MED13: variants seen among roughly 807,000 people sequenced by gnomAD.
MED13 encodes the protein mediator of RNA polymerase II transcription subunit 13.
Under a neutral mutation model 225.2 loss-of-function variants are expected in MED13, and 23 were observed. The observed-to-expected ratio is 0.10, with a 90% CI of 0.07 to 0.14. The LOEUF (loss-of-function observed/expected upper bound fraction) is 0.14, where lower values mean the gene tolerates loss of function less well. MED13 is among the 10% of genes least tolerant of loss of function. The pLI is 1.00. For synonymous variants in MED13, 942 were observed against 889.2 expected, an observed-to-expected ratio of 1.06 and a Z score of -1.06; for missense variants, 2,197 against 2,594.5, an observed-to-expected ratio of 0.85 and a Z score of 3.33.
chr17:62,054,337 GA>G (rs899049464), intron 2 of MED13, among the ~76,000 whole-genome samples: 69 of 151,704 alleles, frequency 4.5e-4, no homozygotes, highest in African/African-American at 1.6e-3. Context: ...TAAGCTTAGG[GA>G]AAAAAAAGTA....
At chr17:61,965,868 T>G (rs1225398855) in intron 19 of MED13, among the ~76,000 whole-genome samples, 1 of 152,212 alleles carries the variant, frequency 6.6e-6, no homozygotes, top group Non-Finnish European at 1.5e-5. Flanking sequence ...TATAATGTTA[T>G]GGGGTTCAAA....
rs2079851701 is a variant in MED13, at chr17:61,946,363, C to T, written c.*105G>A. 1 of 1,304,840 alleles carries T rather than the reference C, an allele frequency of 7.7e-7. No individual in the cohort carries two copies. Among genetic ancestry groups the T allele is most frequent in the Middle Eastern group, 2.1e-4 (1 of 4,754 alleles). The allele number at this position is 1,304,840 out of a possible 1,614,324, so 80.8% of individuals were successfully genotyped here. On this transcript the variant is annotated 3_prime_UTR_variant, in exon 30 of 30. Transcript: ENST00000397786. ...ATTTGTTGAAGTAATAAGAATTAGA[C>T]CCCATCACAAATGACCTTCACTGAG...
intron 3 of MED13, among the ~76,000 whole-genome samples, chr17:62,036,506 C>T (rs2080805160): frequency 6.6e-6 from 1 of 152,140 alleles, no homozygotes; most frequent in Non-Finnish European, 1.5e-5. Flanking sequence ...TTTATTCCTT[C>T]TCCACACATT....
At chr17:61,954,462 G>A (rs1167564561) in intron 26 of MED13, among the ~76,000 whole-genome samples, 2 of 152,100 alleles carry the variant, frequency 1.3e-5, no homozygotes, top group African/African-American at 2.4e-5. Flanking sequence ...AATATTTTGT[G>A]ACCAACTATT....
In MED13 at chr17:62,057,133, A is replaced by G. The variant is rs918551701; in HGVS notation, c.302-4428T>C. Among the ~76,000 whole-genome samples, 54 of 152,324 alleles carry G rather than the reference A, an allele frequency of 3.5e-4. 1 individual carries two copies. The highest frequency in any genetic ancestry group is 2.1e-4 in the South Asian group (1 of 4,828). ...TAAAAAATGAATCTTCTCCAATACA[A>G]TTTTGCAAAACTATTAAAATGTAAC... is the stretch of plus-strand genomic sequence containing the variant. On this transcript the variant is annotated intron_variant, in intron 2 of 29. Coordinates refer to ENST00000397786, the MANE Select transcript of MED13 (RefSeq NM_005121.3).
At chr17:61,958,796 CACTTACTATGT>C (rs1383997653) in intron 23 of MED13, among the ~76,000 whole-genome samples, 1 of 152,160 alleles carries the variant, frequency 6.6e-6, no homozygotes, top group African/African-American at 2.4e-5. Context: ...ACTTACTGAG[CACTTACTATGT>C]ACCATCCATT....
chr17:61,966,692 TATTGTATTTAGATAC>T lies in MED13; in HGVS notation c.4192-56_4192-42del, dbSNP rs755718935. 7 of 1,370,092 alleles carry T rather than the reference TATTGTATTTAGATAC, an allele frequency of 5.1e-6. No homozygotes were observed. The African/African-American group carries it at 7.4e-5, about 14-fold the overall frequency. 84.9% of individuals were successfully genotyped at this position (1,370,092 alleles called of 1,614,324 possible). A position where few individuals can be genotyped will look rare whatever the true frequency, so the allele number is the denominator to read the frequency against. On this transcript the variant is annotated intron_variant, in intron 18 of 29. Coordinates refer to ENST00000397786, the MANE Select transcript of MED13 (RefSeq NM_005121.3). ...CAGAAAGCAGAATTAGTAAATTTAT[TATTGTATTTAGATAC>T]ACATTATAAAACCAACCATGAAAGC...
rs1490212903 is a variant in MED13, at chr17:61,984,226, C to T, written c.2833G>A (p.Val945Ile). 15 of 1,602,208 alleles carry T rather than the reference C, an allele frequency of 9.4e-6. No individual in the cohort carries two copies. Among genetic ancestry groups the T allele is most frequent in the Non-Finnish European group, 1.2e-5 (14 of 1,175,854 alleles). ...EECIYRQSWT[V>I]GKLELLSSGP... Reference sequence around the variant, plus strand: ...GAAGAAAGCAATTCCAATTTTCCAACAGTCCAACTCTGACGGTAAATACAC... The same window carrying T: ...GAAGAAAGCAATTCCAATTTTCCAATAGTCCAACTCTGACGGTAAATACAC... The change falls in exon 15 of 30, where the codon GTT becomes ATT. Residue 945 changes from valine to isoleucine, a missense_variant. By Grantham distance (29) the Val-to-Ile change is conservative. Transcript: ENST00000397786.
intron 8 of MED13, among the ~76,000 whole-genome samples, chr17:62,015,972 T>C (rs1156987771): frequency 1.5e-5 from 1 of 66,240 alleles, no homozygotes; most frequent in Admixed American, 1.7e-4. Context: ...TTTTTTTTTT[T>C]TTTTTTTTTT....
intron 3 of MED13, among the ~76,000 whole-genome samples, chr17:62,038,866 G>A (rs752841583): frequency 4.9e-4 from 74 of 151,874 alleles, no homozygotes; most frequent in Non-Finnish European, 9.9e-4. Context: ...AGGGGCGGGG[G>A]GGCTCACTAT....
chr17:61,998,642 C>T (rs2080366893), intron 9 of MED13, among the ~76,000 whole-genome samples: 1 of 149,336 alleles, frequency 6.7e-6, no homozygotes, highest in South Asian at 2.1e-4. Context: ...TGCTGTCACC[C>T]AGGCTGGAAT....
intron 16 of MED13, among the ~76,000 whole-genome samples, chr17:61,977,824 C>G (rs686994): frequency 0.44 from 67,522 of 151,926 alleles, 18,387 homozygotes; most frequent in Non-Finnish European, 0.61. Context: ...CTCCTGGTCT[C>G]AAGCAATACT....
At chr17:62,058,520 C>CAAAAAAAA (rs751957495) in intron 2 of MED13, among the ~76,000 whole-genome samples, 103 of 52,234 alleles carry the variant, frequency 2.0e-3, no homozygotes, top group Non-Finnish European at 2.4e-3. Context: ...GACTTCATCT[C>CAAAAAAAA]AAAAAAAAAA....
chr17:62,011,757 C>T (rs1488072300), intron 8 of MED13, among the ~76,000 whole-genome samples: 1 of 152,102 alleles, frequency 6.6e-6, no homozygotes, highest in Non-Finnish European at 1.5e-5. Flanking sequence ...GATTGATGGG[C>T]CTCACACCAT....
intron 19 of MED13, among the ~76,000 whole-genome samples, chr17:61,966,257 G>A (rs1438471265): frequency 6.6e-6 from 1 of 152,122 alleles, no homozygotes; most frequent in Admixed American, 6.5e-5. Flanking sequence ...TCTGTAAAGG[G>A]TCAGATAATA....
intron 3 of MED13, among the ~76,000 whole-genome samples, chr17:62,042,560 CAAAA>C (rs377646442): frequency 1.7e-5 from 1 of 60,302 alleles, no homozygotes. Flanking sequence ...GGTTTCATCT[CAAAA>C]AAAAAAAAAA....
At chr17:61,957,213 A>C (rs1046462522) in intron 23 of MED13, among the ~76,000 whole-genome samples, 4 of 151,172 alleles carry the variant, frequency 2.6e-5, no homozygotes, top group African/African-American at 9.7e-5. Context: ...CGTCTAGCTA[A>C]TTTTTGTATT....
intron 8 of MED13, among the ~76,000 whole-genome samples, chr17:62,016,889 AAT>A (rs2080587329): frequency 6.6e-6 from 1 of 152,020 alleles, no homozygotes; most frequent in Non-Finnish European, 1.5e-5. Context: ...AGGCGCCTGT[AAT>A]CCCAACTACT....
intron 1 of MED13, 62 bp downstream of exon 1, chr17:62,065,078 C>A (rs1006096563): frequency 1.7e-5 from 24 of 1,440,686 alleles, no homozygotes; most frequent in African/African-American, 5.9e-5. Context: ...CCCCCTCCCC[C>A]ACGGCCCAAG....
Sources: allele counts gnomAD v4.1 joint callset (sites outside exome capture counted in the v4.1 genomes callset), GRCh38; gene constraint gnomAD v4.1.1; transcripts MANE v1.5; gene names NCBI Gene and HGNC (gene_info 2026-07-23, HGNC 2026-07-21).